The following CES5A variants were observed in gnomAD, a reference collection of about 807,000 sequenced individuals.
CES5A encodes the protein carboxylesterase 5.
CES5A carries 67 observed loss-of-function variants against 62.9 expected under a neutral mutation model. The ratio of observed to expected loss-of-function variants is 1.07; its 90% confidence interval spans 0.88 to 1.31. The LOEUF (loss-of-function observed/expected upper bound fraction) is 1.31. Ranked by LOEUF, CES5A falls within the 50% of genes most tolerant of loss-of-function variation. The probability of loss-of-function intolerance (pLI) is 0.00; values close to 1 mark genes in which losing one functional copy is unlikely to be tolerated. For synonymous variants in CES5A, 296 were observed against 280.8 expected (o/e 1.05, Z -0.54); for missense variants, 748 against 708.5 (o/e 1.06, Z -0.63).
At chr16:55,954,894 T>C (rs1471594400) in intron 1 of CES5A, among the ~76,000 whole-genome samples, 1 of 152,200 alleles carries the variant, frequency 6.6e-6, no homozygotes, top group African/African-American at 2.4e-5. Flanking sequence ...GAGAGAGCAA[T>C]GGCAAAGCCT....
At chr16:55,937,556 G>A (rs1051846336) in intron 2 of CES5A, among the ~76,000 whole-genome samples, 1 of 152,216 alleles carries the variant, frequency 6.6e-6, no homozygotes, top group Non-Finnish European at 1.5e-5. Flanking sequence ...AAAACATGGG[G>A]ATGGGGACTG....
intron 1 of CES5A, among the ~76,000 whole-genome samples, chr16:55,953,522 T>C (rs2034579105): frequency 6.6e-6 from 1 of 152,018 alleles, no homozygotes. Context: ...CTATGTAGAA[T>C]ATATATTTTA....
chr16:55,870,082 A>G (rs2033551957), intron 3 of CES5A, among the ~76,000 whole-genome samples: 1 of 152,270 alleles, frequency 6.6e-6, no homozygotes, highest in African/African-American at 2.4e-5. Flanking sequence ...TCTAAAGCTC[A>G]TAGAACAATG....
At chr16:55,919,841 G>A (rs1289516930) in intron 1 of CES5A, among the ~76,000 whole-genome samples, 3 of 152,030 alleles carry the variant, frequency 2.0e-5, no homozygotes, top group East Asian at 1.9e-4. Context: ...CTTTTTGCCC[G>A]GCAGTGTGCC....
intron 10 of CES5A, 46 bp downstream of exon 10, chr16:55,852,835 A>C (rs2033158794): frequency 6.3e-7 from 1 of 1,581,266 alleles, no homozygotes; most frequent in South Asian, 1.1e-5. Flanking sequence ...CGTGGCCACC[A>C]GCCTCACTGG....
intron 8 of CES5A, among the ~76,000 whole-genome samples, chr16:55,859,005 C>T (rs773251200): frequency 1.2e-4 from 19 of 152,176 alleles, no homozygotes; most frequent in Non-Finnish European, 2.6e-4. Flanking sequence ...ATCTGTCTCT[C>T]CCCACCAGAG....
At chr16:55,857,241 GT>G (rs2033260944) in intron 8 of CES5A, among the ~76,000 whole-genome samples, 1 of 152,222 alleles carries the variant, frequency 6.6e-6, no homozygotes, top group African/African-American at 2.4e-5. Flanking sequence ...GTAAGATGGA[GT>G]TTGCAACAAG....
intron 1 of CES5A, among the ~76,000 whole-genome samples, chr16:55,883,345 C>G (rs1434119945): frequency 6.6e-6 from 1 of 152,162 alleles, no homozygotes; most frequent in Non-Finnish European, 1.5e-5. Flanking sequence ...CAGGATGGCT[C>G]ACTGCAACCT....
upstream of CES5A, among the ~76,000 whole-genome samples, chr16:55,928,968 G>A (rs1052062016): frequency 9.9e-5 from 15 of 152,114 alleles, no homozygotes; most frequent in Non-Finnish European, 1.3e-4. Context: ...GATGGATGTC[G>A]CTTGCTTCCC....
At chr16:55,879,708 A>AT (rs1201486846), upstream of CES5A, among the ~76,000 whole-genome samples, 1 of 152,038 alleles carries the variant, frequency 6.6e-6, no homozygotes, top group East Asian at 1.9e-4. Flanking sequence ...CTCCCACTTC[A>AT]GTCTCCCAAG....
chr16:55,871,649 G>A lies in CES5A; in HGVS notation c.393C>T (p.His131=), dbSNP rs755239329. The A allele has an allele frequency of 1.5e-5, 24 of 1,613,998 alleles. 1 individual carries two copies. Among genetic ancestry groups the A allele is most frequent in the South Asian group, 4.4e-5 (4 of 91,080 alleles). ...CGGGGAGCTTGGAGCCTGTATCGGC[G>A]TGGGCAGGCGCATAGATGTTCAGGT... is the stretch of plus-strand genomic sequence containing the variant. ...CLYLNIYAPA[H]ADTGSKLPVL... is the part of the protein sequence containing the mutation. The change falls in exon 3 of 13, where the codon CAC becomes CAT. Residue 131 remains histidine, a synonymous_variant. Transcript: ENST00000290567.
At chr16:55,859,824 A>G (rs555343295) in intron 7 of CES5A, 137 bp from the exon 8 acceptor site, 76 of 704,966 alleles carry the variant, frequency 1.1e-4, no homozygotes, top group Non-Finnish European at 1.6e-4. Flanking sequence ...GTAAAAACAA[A>G]CACTATGGGC....
rs184476768 is a variant in CES5A at position 55,852,797 on chromosome 16, C to A, written c.1273+84G>T. 3.0e-5 allele frequency: 44 copies of A among 1,465,260 alleles called. No homozygotes were observed. The East Asian group carries it at 8.8e-4, about 29-fold the overall frequency. 90.8% of individuals were successfully genotyped at this position (1,465,260 alleles called of 1,614,324 possible). A position where few individuals can be genotyped will look rare whatever the true frequency, so the allele number is the denominator to read the frequency against. On this transcript the variant is annotated intron_variant, in intron 10 of 12. Coordinates refer to ENST00000290567, the MANE Select transcript of CES5A (RefSeq NM_001143685.2). ...CATGATAGAACAGAGGCAGAGAAGG[C>A]AGCCGCTCAGTAGACAATATGGATT...
At chr16:55,939,719 A>AT (rs1567362888) in intron 2 of CES5A, among the ~76,000 whole-genome samples, 1 of 152,096 alleles carries the variant, frequency 6.6e-6, no homozygotes, top group South Asian at 2.1e-4. Flanking sequence ...GCAACATTCA[A>AT]TTTTTTTCAA....
intron 2 of CES5A, among the ~76,000 whole-genome samples, chr16:55,937,180 G>A (rs962571885): frequency 6.6e-6 from 1 of 151,874 alleles, no homozygotes; most frequent in Non-Finnish European, 1.5e-5. Context: ...GTGCATTTTA[G>A]TAAAGCCTTC....
At chr16:55,894,860 C>T (rs1188296882) in intron 1 of CES5A, among the ~76,000 whole-genome samples, 1 of 151,848 alleles carries the variant, frequency 6.6e-6, no homozygotes, top group African/African-American at 2.4e-5. Context: ...GAATAGATCC[C>T]AGTGGAAAAA....
chr16:55,915,587 C>T (rs1421036844), intron 1 of CES5A, among the ~76,000 whole-genome samples: 1 of 152,088 alleles, frequency 6.6e-6, no homozygotes, highest in African/African-American at 2.4e-5. Flanking sequence ...CCTGGAATAT[C>T]TGATCATTGT....
chr16:55,855,818 G>T (rs7499945), intron 9 of CES5A, among the ~76,000 whole-genome samples: 53,777 of 151,906 alleles, frequency 0.35, 11,362 homozygotes, highest in African/African-American at 0.59. Context: ...TGGGACTATT[G>T]ATATAGTTTC....
At chr16:55,951,468 A>G (rs751799578) in intron 1 of CES5A, among the ~76,000 whole-genome samples, 2 of 152,214 alleles carry the variant, frequency 1.3e-5, no homozygotes, top group Non-Finnish European at 1.5e-5. Context: ...TCCAACTATT[A>G]TAGAAGAAAA....
Sources: gnomAD v4.1 joint callset for allele counts (sites outside exome capture counted in the v4.1 genomes callset) on GRCh38, gnomAD v4.1.1 for gene constraint, MANE v1.5 for transcripts, NCBI Gene and HGNC (gene_info 2026-07-23, HGNC 2026-07-21) for gene names.